The following TMEM164 variants were observed in gnomAD, a reference collection of about 807,000 sequenced individuals.
The protein encoded by TMEM164 is RP13-360B22.2.
In TMEM164, 4 loss-of-function variants were observed where a neutral mutation model predicts 18.8. The ratio of observed to expected loss-of-function variants is 0.21; its 90% CI spans 0.10 to 0.49. The LOEUF (loss-of-function observed/expected upper bound fraction) is 0.49. TMEM164 is among the 20% of genes least tolerant of loss of function. The probability of loss-of-function intolerance (pLI) is 0.98; values close to 1 mark genes in which losing one functional copy is unlikely to be tolerated. For synonymous variants in TMEM164, 86 were observed against 101.7 expected (o/e 0.85, Z 0.93); for missense variants, 108 against 239.9 (o/e 0.45, Z 3.63).
At chrX:110,024,520 G>A (rs376433935) in intron 2 of TMEM164, among the ~76,000 whole-genome samples, 2 of 111,924 alleles carry the variant, frequency 1.8e-5, no homozygotes, top group African/African-American at 3.2e-5. Flanking sequence ...CTAGCCTCAC[G>A]TGATCCTCCT....
intron 5 of TMEM164, among the ~76,000 whole-genome samples, chrX:110,162,158 A>G (rs762107922): frequency 2.7e-5 from 3 of 112,938 alleles, no homozygotes; most frequent in Non-Finnish European, 3.7e-5. Context: ...AGATGATCCA[A>G]GAGTTGGCTC....
intron 2 of TMEM164, among the ~76,000 whole-genome samples, chrX:110,051,727 C>T (rs930481310): frequency 3.6e-5 from 4 of 112,137 alleles, no homozygotes; most frequent in Admixed American, 9.4e-5. Context: ...TATGGAGGAA[C>T]AGCAGCTTCA....
At chrX:110,004,289 C>T (rs905624237) in intron 2 of TMEM164, 125 bp downstream of exon 2, 117 of 848,878 alleles carry the variant, frequency 1.4e-4, no homozygotes, top group Middle Eastern at 1.1e-3. Context: ...GATTTTCCAA[C>T]GAGTGGCTGC....
intron 3 of TMEM164, chrX:110,081,990 C>T (rs1027160815): frequency 5.3e-5 from 6 of 112,555 alleles, no homozygotes; most frequent in African/African-American, 1.6e-4. Context: ...CCATGGTACA[C>T]TTGACAAGAG....
At chrX:110,010,019 T>A (rs758516955) in intron 2 of TMEM164, among the ~76,000 whole-genome samples, 4 of 110,736 alleles carry the variant, frequency 3.6e-5, no homozygotes, top group South Asian at 3.8e-4. Flanking sequence ...TCTTTCTGCC[T>A]GTTTTTTGAA....
chrX:110,092,324 A>G (rs764888416), intron 3 of TMEM164, among the ~76,000 whole-genome samples: 3 of 111,753 alleles, frequency 2.7e-5, no homozygotes, highest in African/African-American at 9.8e-5. Flanking sequence ...CACAATATCG[A>G]TACTTCCTAT....
chrX:110,146,731 G>C (rs897513829), intron 5 of TMEM164, among the ~76,000 whole-genome samples: 17 of 111,719 alleles, frequency 1.5e-4, no homozygotes, highest in Non-Finnish European at 7.5e-5. Flanking sequence ...TCCCTTTCCA[G>C]CTCTTTACTG....
chrX:110,014,746 T>TTTTTTTTTTTTTTTTTTTTTTTTTTTTC (rs1933230853), intron 2 of TMEM164, among the ~76,000 whole-genome samples: 1 of 28,713 alleles, frequency 3.5e-5, no homozygotes, highest in East Asian at 3.4e-3. Context: ...GGTTGTTTCT[T>TTTTTTTTTTTTTTTTTTTTTTTTTTTTC]TTTTTTTTTT....
At chrX:110,178,127 T>C (rs1255880775), downstream of TMEM164, among the ~76,000 whole-genome samples, 1 of 112,410 alleles carries the variant, frequency 8.9e-6, no homozygotes, top group Non-Finnish European at 1.9e-5. Flanking sequence ...CAACCTAGAT[T>C]TCCTGAGGGC....
intron 4 of TMEM164, among the ~76,000 whole-genome samples, chrX:110,123,314 T>A (rs1474624376): frequency 8.9e-6 from 1 of 112,751 alleles, no homozygotes; most frequent in East Asian, 2.8e-4. Context: ...TCTTGATTGC[T>A]GTAGCTTTGT....
rs753320965 is a variant in TMEM164, at chrX:110,175,205, T to A, written c.*1754T>A. The A allele has an allele frequency of 7.1e-5, 8 of 112,990 alleles. No individual in the cohort carries two copies. The East Asian group carries it at 2.2e-3, about 32-fold the overall frequency. The allele number at this position is 112,990 out of a possible 1,213,427, so 9.3% of individuals were successfully genotyped here. ...TAGGGTGGCCCTCCAGGGAAGGTGCTCCTTGAATGGCTGGATTGGCCCTGC... is the reference window on the plus strand; with the variant it reads ...TAGGGTGGCCCTCCAGGGAAGGTGCACCTTGAATGGCTGGATTGGCCCTGC... On this transcript the variant is annotated 3_prime_UTR_variant, in exon 7 of 7. Transcript: ENST00000372068.
At chrX:110,178,393 G>A (rs753728931), downstream of TMEM164, among the ~76,000 whole-genome samples, 27 of 112,250 alleles carry the variant, frequency 2.4e-4, no homozygotes, top group South Asian at 1.1e-3. Context: ...AAGAAAGGGG[G>A]CCAGATATGG....
At chrX:110,006,640 G>A (rs1161144996) in intron 2 of TMEM164, among the ~76,000 whole-genome samples, 1 of 110,995 alleles carries the variant, frequency 9.0e-6, no homozygotes, top group Non-Finnish European at 1.9e-5. Context: ...TTCTGTCTTG[G>A]TTGCAGCAAT....
At chrX:110,017,472 TTCCCTCCCTCCCTCCC>T (rs1276015658) in intron 2 of TMEM164, among the ~76,000 whole-genome samples, 1 of 49,991 alleles carries the variant, frequency 2.0e-5, no homozygotes, top group African/African-American at 1.4e-4. Flanking sequence ...CTTTCTTTCC[TTCCCTCCCTCCCTCCC>T]TCCCTCCCTC....
intron 4 of TMEM164, among the ~76,000 whole-genome samples, chrX:110,142,386 G>C (rs974200105): frequency 3.6e-5 from 4 of 112,002 alleles, no homozygotes; most frequent in African/African-American, 1.3e-4. Flanking sequence ...TCTGTGGGAG[G>C]GAGCGAGTGA....
intron 2 of TMEM164, among the ~76,000 whole-genome samples, chrX:110,016,611 T>G (rs1345107426): frequency 8.9e-6 from 1 of 112,123 alleles, no homozygotes; most frequent in Non-Finnish European, 1.9e-5. Context: ...ACTGCCTGTG[T>G]ATTACCTCAT....
intron 2 of TMEM164, among the ~76,000 whole-genome samples, chrX:110,017,816 G>A (rs1933562129): frequency 9.2e-6 from 1 of 108,977 alleles, no homozygotes; most frequent in African/African-American, 3.4e-5. Context: ...TGATCTGTCT[G>A]CCTCCACCTC....
At chrX:110,023,904 T>C (rs1176020488) in intron 2 of TMEM164, among the ~76,000 whole-genome samples, 1 of 112,580 alleles carries the variant, frequency 8.9e-6, no homozygotes, top group African/African-American at 3.2e-5. Flanking sequence ...GCATCCTACC[T>C]ATAGTTCTGT....
chrX:110,076,975 T>G (rs1258538690), intron 3 of TMEM164, among the ~76,000 whole-genome samples: 1 of 112,281 alleles, frequency 8.9e-6, no homozygotes, highest in African/African-American at 3.2e-5. Flanking sequence ...TTAGGTCCAA[T>G]TGGTTAACTG....
Sources: gnomAD v4.1 joint callset for allele counts (sites outside exome capture counted in the v4.1 genomes callset) on GRCh38, gnomAD v4.1.1 for gene constraint, MANE v1.5 for transcripts, NCBI Gene and HGNC (gene_info 2026-07-23, HGNC 2026-07-21) for gene names.